CYRIB: variants seen among roughly 807,000 people sequenced by gnomAD.
CYRIB encodes the protein CYFIP-related Rac1 interactor B.
Under a neutral mutation model 44.2 loss-of-function variants are expected in CYRIB, and 8 were observed. The observed-to-expected ratio is 0.18, with a 90% CI of 0.11 to 0.33. CYRIB has a LOEUF of 0.33. CYRIB is among the 10% of genes least tolerant of loss of function. The pLI, the probability that CYRIB is intolerant of heterozygous loss-of-function variation, is 1.00. For synonymous variants in CYRIB, 131 were observed against 127.2 expected (o/e 1.03, Z -0.20); for missense variants, 185 against 382.8 (o/e 0.48, Z 4.31).
intron 1 of CYRIB, among the ~76,000 whole-genome samples, chr8:129,977,714 A>G (rs1005974929): frequency 1.3e-4 from 20 of 151,926 alleles, no homozygotes; most frequent in Non-Finnish European, 2.6e-4. Context: ...TTGTATTTTT[A>G]GTAGAGATGG....
chr8:129,963,797 G>A (rs1473113678), intron 2 of CYRIB, among the ~76,000 whole-genome samples: 1 of 152,232 alleles, frequency 6.6e-6, no homozygotes, highest in Non-Finnish European at 1.5e-5. Context: ...ACTCTCACTT[G>A]CAAGTGTTTC....
At chr8:130,011,445 C>T (rs1008747999) in intron 1 of CYRIB, among the ~76,000 whole-genome samples, 2 of 151,780 alleles carry the variant, frequency 1.3e-5, no homozygotes, top group African/African-American at 4.8e-5. Context: ...CGCTTGAACC[C>T]GGGAGGCAGA....
rs59513344 is a variant in CYRIB at position 130,006,604 on chromosome 8, ATACATATATATGTG to A, written c.-296+9752_-296+9765del. Among the ~76,000 whole-genome samples the A allele has an allele frequency of 3.2e-4, 18 of 55,696 alleles. 1 individual carries two copies. The highest frequency in any genetic ancestry group is 9.5e-4 in the East Asian group (2 of 2,096). The allele number at this position is 55,696 out of a possible 152,430, so 36.5% of individuals were successfully genotyped here. ...TACTAAAAACACAAATTATATATAT[ATACATATATATGTG>A]TATATATATACATATATATGTGTAT... On this transcript the variant is annotated intron_variant, in intron 1 of 14. Coordinates refer to the CYRIB transcript ENST00000401979.
intron 4 of CYRIB, 76 bp from the exon 7 acceptor site, chr8:129,862,410 T>C: frequency 9.0e-7 from 1 of 1,113,610 alleles, no homozygotes; most frequent in South Asian, 1.3e-5. Context: ...AATGTAGGCT[T>C]TAGCAAACAT....
intron 2 of CYRIB, among the ~76,000 whole-genome samples, chr8:129,963,656 A>G (rs1435324258): frequency 1.3e-5 from 2 of 152,208 alleles, no homozygotes; most frequent in Non-Finnish European, 1.5e-5. Flanking sequence ...ATTCACATTC[A>G]TCTTACAGTA....
At chr8:129,875,399 T>C (rs1007783326) in intron 3 of CYRIB, among the ~76,000 whole-genome samples, 21 of 151,872 alleles carry the variant, frequency 1.4e-4, no homozygotes, top group Non-Finnish European at 2.8e-4. Context: ...TTCATACAGA[T>C]AGAGTCTTGC....
intron 1 of CYRIB, among the ~76,000 whole-genome samples, chr8:129,936,929 G>C (rs987399044): frequency 9.2e-5 from 14 of 151,890 alleles, no homozygotes; most frequent in African/African-American, 3.4e-4. Context: ...GGATGGTCTC[G>C]ATCTCCTGAC....
Position 129,933,792 on chromosome 8 carries a change from T to G in CYRIB, c.-50+5816A>C, listed in dbSNP as rs570627668. Among the ~76,000 whole-genome samples, 47 of 151,914 alleles carry G rather than the reference T, an allele frequency of 3.1e-4. No homozygotes were observed. The East Asian group carries it at 8.9e-3, about 29-fold the overall frequency. ...AGGAGGCTGAGGTAGGAGAATCACT[T>G]GAACCCAGGAGGCGGAGGTTGTAGT... On this transcript the variant is annotated intron_variant, in intron 1 of 11. Coordinates refer to ENST00000519824, the Ensembl canonical transcript of CYRIB.
intron 1 of CYRIB, among the ~76,000 whole-genome samples, chr8:129,989,978 C>G (rs1313497407): frequency 6.6e-6 from 1 of 152,074 alleles, no homozygotes; most frequent in Non-Finnish European, 1.5e-5. Context: ...ATGAACTCAT[C>G]ATTTTTATGG....
chr8:129,966,242 T>C (rs1328748591), intron 2 of CYRIB, among the ~76,000 whole-genome samples: 1 of 152,214 alleles, frequency 6.6e-6, no homozygotes, highest in Non-Finnish European at 1.5e-5. Flanking sequence ...GTTACATGCA[T>C]CTTCACACAC....
chr8:129,880,325 T>C, intron 2 of CYRIB: 1 of 911,450 alleles, frequency 1.1e-6, no homozygotes, highest in Non-Finnish European at 1.3e-6. Context: ...GTATAATTCA[T>C]CTTTCACCTT....
At chr8:130,011,347 CCT>C (rs1564836185) in intron 1 of CYRIB, among the ~76,000 whole-genome samples, 1 of 151,800 alleles carries the variant, frequency 6.6e-6, no homozygotes, top group Non-Finnish European at 1.5e-5. Context: ...ATGGGGAAAC[CCT>C]GTCTCTACTA....
At chr8:129,966,475 T>A (rs542932448) in intron 2 of CYRIB, among the ~76,000 whole-genome samples, 3 of 152,328 alleles carry the variant, frequency 2.0e-5, no homozygotes, top group East Asian at 3.9e-4. Flanking sequence ...CAGAGCTCAC[T>A]CTTGTCCCAT....
At chr8:129,907,339 T>C (rs1386692308) in intron 1 of CYRIB, among the ~76,000 whole-genome samples, 2 of 149,318 alleles carry the variant, frequency 1.3e-5, no homozygotes. Flanking sequence ...CAGCAACCTA[T>C]CGCAGAACAA....
At chr8:129,983,977 T>A (rs760011776) in intron 1 of CYRIB, among the ~76,000 whole-genome samples, 48 of 152,308 alleles carry the variant, frequency 3.2e-4, no homozygotes, top group Non-Finnish European at 2.9e-4. Context: ...AACCGGGAGC[T>A]TTTTAAAAAT....
At chr8:129,884,732 T>C (rs965728285) in intron 2 of CYRIB, among the ~76,000 whole-genome samples, 4 of 152,268 alleles carry the variant, frequency 2.6e-5, no homozygotes, top group Non-Finnish European at 5.9e-5. Context: ...TTATTTTCTA[T>C]CGTAATCCTT....
intron 2 of CYRIB, among the ~76,000 whole-genome samples, chr8:129,960,848 G>A (rs2095213027): frequency 6.7e-6 from 1 of 149,738 alleles, no homozygotes; most frequent in Admixed American, 6.7e-5. Flanking sequence ...CTCTCAGGAG[G>A]CTGAAGCAGG....
intron 8 of CYRIB, 23 bp from the exon 11 acceptor site, chr8:129,850,937 A>G (rs2042945080): frequency 6.9e-7 from 1 of 1,457,442 alleles, no homozygotes; most frequent in Admixed American, 1.8e-5. Flanking sequence ...ATGAAGAACA[A>G]AAAAAGTAAA....
At chr8:129,998,723 C>G (rs2096838921) in intron 1 of CYRIB, among the ~76,000 whole-genome samples, 1 of 151,982 alleles carries the variant, frequency 6.6e-6, no homozygotes. Flanking sequence ...CCTCTGCCTC[C>G]CAGCTTCAAG....
Sources: allele counts gnomAD v4.1 joint callset (sites outside exome capture counted in the v4.1 genomes callset), GRCh38; gene constraint gnomAD v4.1.1; transcripts MANE v1.5; gene names NCBI Gene and HGNC (gene_info 2026-07-23, HGNC 2026-07-21).